FRMD5: variants seen among roughly 807,000 people sequenced by gnomAD.
FRMD5 encodes FERM domain-containing protein 5.
FRMD5 carries 20 observed loss-of-function variants against 69.0 expected under a neutral mutation model. That is an observed-to-expected ratio of 0.29 (90% confidence interval 0.20 to 0.42). FRMD5 has a LOEUF of 0.42. Ranked by LOEUF, FRMD5 falls within the 10% of genes least tolerant of loss-of-function variation. The pLI is 1.00. For missense variants in FRMD5, 595 were observed against 708.6 expected, an observed-to-expected ratio of 0.84 and a Z score of 1.82; for synonymous variants, 271 against 260.1, an observed-to-expected ratio of 1.04 and a Z score of -0.40.
At chr15:43,990,398 C>A (rs1463044832) in intron 1 of FRMD5, among the ~76,000 whole-genome samples, 1 of 152,120 alleles carries the variant, frequency 6.6e-6, no homozygotes, top group African/African-American at 2.4e-5. Context: ...AATAAAATTT[C>A]TTTTCTCATT....
chr15:43,878,103 G>A (rs372256895), intron 13 of FRMD5, among the ~76,000 whole-genome samples: 2 of 152,090 alleles, frequency 1.3e-5, no homozygotes, highest in East Asian at 3.9e-4. Context: ...CCCAGGCTCA[G>A]GTGATCCTCC....
intron 13 of FRMD5, chr15:43,879,585 C>T (rs931927406): frequency 4.0e-5 from 16 of 399,046 alleles, no homozygotes; most frequent in Middle Eastern, 6.3e-4. Context: ...CCTCAGGATG[C>T]GCACACTTAG....
chr15:43,959,134 T>C lies in FRMD5; in HGVS notation c.103-34825A>G, dbSNP rs1440164702. The stretch of plus-strand genomic sequence containing the variant: ...TAATTATTTAAGAAGTCTCTCTCCT[T>C]GGACCTCATAGCTCACTGCCTCAAT... On this transcript the variant is annotated intron_variant, in intron 1 of 13. Transcript: ENST00000417257. Among the ~76,000 whole-genome samples the C allele has an allele frequency of 3.3e-5, 5 of 152,356 alleles. No individual in the cohort carries two copies. The East Asian group carries it at 9.6e-4, about 29-fold the overall frequency.
At chr15:43,969,089 C>CTT (rs767527729) in intron 1 of FRMD5, among the ~76,000 whole-genome samples, 5 of 137,296 alleles carry the variant, frequency 3.6e-5, no homozygotes, top group East Asian at 2.1e-4. Flanking sequence ...TGCCTTCATT[C>CTT]TTTTTTTTTT....
chr15:44,104,572 G>A (rs941697126), intron 1 of FRMD5, among the ~76,000 whole-genome samples: 1 of 152,116 alleles, frequency 6.6e-6, no homozygotes, highest in Non-Finnish European at 1.5e-5. Context: ...GATGTTTGAT[G>A]TTTTACTGTA....
Position 43,871,467 on chromosome 15 carries a change from T to TA in FRMD5, c.*2417dup, listed in dbSNP as rs1311904441. On this transcript the variant is annotated 3_prime_UTR_variant, in exon 14 of 14. Coordinates refer to ENST00000417257, the MANE Select transcript of FRMD5 (RefSeq NM_032892.5). ...ACAAACTGAGGTAGGAGCACTACAC[T>TA]AAAAGGTAATCTTCTATGTTGCATA... The TA allele has an allele frequency of 1.3e-5, 2 of 152,230 alleles. No homozygotes were observed. The highest frequency in any genetic ancestry group is 2.9e-5 in the Non-Finnish European group (2 of 68,050). 9.4% of individuals were successfully genotyped at this position (152,230 alleles called of 1,614,324 possible). A position where few individuals can be genotyped will look rare whatever the true frequency, so the allele number is the denominator to read the frequency against.
At chr15:43,908,918 G>A (rs191002681) in intron 5 of FRMD5, among the ~76,000 whole-genome samples, 90 of 152,304 alleles carry the variant, frequency 5.9e-4, no homozygotes, top group African/African-American at 2.0e-3. Context: ...AGATTTGCCT[G>A]AGAGGATGGG....
chr15:44,186,586 A>G (rs886153253), intron 1 of FRMD5, among the ~76,000 whole-genome samples: 2 of 152,184 alleles, frequency 1.3e-5, no homozygotes, highest in African/African-American at 4.8e-5. Context: ...GGTTTGATGT[A>G]CCACTATTTA....
intron 1 of FRMD5, among the ~76,000 whole-genome samples, chr15:44,160,091 C>T (rs562855256): frequency 5.9e-5 from 9 of 152,208 alleles, no homozygotes; most frequent in African/African-American, 9.6e-5. Flanking sequence ...CAGTGGCTCA[C>T]GCCCATAATC....
chr15:43,907,652 C>T (rs1566827944), intron 5 of FRMD5, among the ~76,000 whole-genome samples: 1 of 152,074 alleles, frequency 6.6e-6, no homozygotes, highest in Non-Finnish European at 1.5e-5. Flanking sequence ...GGACTACAGG[C>T]ATGTGCCACC....
At chr15:44,150,566 G>T (rs146793690) in intron 1 of FRMD5, among the ~76,000 whole-genome samples, 1 of 151,876 alleles carries the variant, frequency 6.6e-6, no homozygotes, top group African/African-American at 2.4e-5. Flanking sequence ...GATCGTTTAA[G>T]CCCAAGAGTT....
Position 44,067,180 on chromosome 15 carries a change from A to G in FRMD5, c.102+127773T>C, listed in dbSNP as rs970924005. Reference sequence around the variant, plus strand: ...GGAAGTTGAAGAATTTATGGCAAATAATCTCAACTTTCTCAGAGAATAGGA... The same window carrying G: ...GGAAGTTGAAGAATTTATGGCAAATGATCTCAACTTTCTCAGAGAATAGGA... On this transcript the variant is annotated intron_variant, in intron 1 of 13. Transcript: ENST00000417257. Among the ~76,000 whole-genome samples the G allele has an allele frequency of 2.0e-5, 3 of 152,318 alleles. No individual in the cohort carries two copies. The East Asian group carries it at 5.8e-4, about 29-fold the overall frequency.
chr15:44,035,559 T>C (rs528553292), intron 1 of FRMD5, among the ~76,000 whole-genome samples: 2 of 152,320 alleles, frequency 1.3e-5, no homozygotes, highest in South Asian at 4.1e-4. Context: ...AAATCCGTTT[T>C]ACCTCCCAAA....
intron 1 of FRMD5, among the ~76,000 whole-genome samples, chr15:44,007,343 G>A (rs886758129): frequency 2.6e-5 from 4 of 151,988 alleles, no homozygotes; most frequent in Non-Finnish European, 5.9e-5. Flanking sequence ...ACTTTATTGC[G>A]GTGGTCTGGA....
chr15:43,976,551 G>A (rs2090465489), intron 1 of FRMD5, among the ~76,000 whole-genome samples: 1 of 152,208 alleles, frequency 6.6e-6, no homozygotes, highest in African/African-American at 2.4e-5. Context: ...AAGTGAGAGA[G>A]AAGGCAACTC....
intron 1 of FRMD5, among the ~76,000 whole-genome samples, chr15:44,178,993 G>GAAATAAATAAAT (rs58781373): frequency 3.0e-4 from 46 of 151,514 alleles, no homozygotes; most frequent in African/African-American, 1.1e-3. Flanking sequence ...ACTCTGTCTT[G>GAAATAAATAAAT]AAATAAATAA....
At chr15:44,108,718 T>C (rs2076754987) in intron 1 of FRMD5, among the ~76,000 whole-genome samples, 1 of 151,458 alleles carries the variant, frequency 6.6e-6, no homozygotes, top group Non-Finnish European at 1.5e-5. Flanking sequence ...TCTCAACACT[T>C]TGGGTGGTGG....
At chr15:43,881,916 G>A (rs1301411787) in intron 13 of FRMD5, among the ~76,000 whole-genome samples, 2 of 152,146 alleles carry the variant, frequency 1.3e-5, no homozygotes, top group Non-Finnish European at 2.9e-5. Flanking sequence ...CCTAACGTGA[G>A]CAATTCATTT....
chr15:43,944,955 A>T (rs875990), intron 1 of FRMD5, among the ~76,000 whole-genome samples: 39,550 of 138,844 alleles, frequency 0.28, 10,033 homozygotes, highest in African/African-American at 0.68. Flanking sequence ...TTATTTATTT[A>T]TTTTTTTTTT....
Sources: gnomAD v4.1 joint callset for allele counts (sites outside exome capture counted in the v4.1 genomes callset) on GRCh38, gnomAD v4.1.1 for gene constraint, MANE v1.5 for transcripts, NCBI Gene and HGNC (gene_info 2026-07-23, HGNC 2026-07-21) for gene names.